Variants in RNF212B observed in about 807,000 individuals in gnomAD.
The protein encoded by RNF212B is ring finger protein 212B.
In RNF212B, 52 loss-of-function variants were observed where a neutral mutation model predicts 55.5. That is an observed-to-expected ratio of 0.94 (90% confidence interval 0.75 to 1.18). The LOEUF is 1.18. Ranked by LOEUF, RNF212B falls within the 50% of genes most tolerant of loss-of-function variation. The pLI is 0.00. For missense variants in RNF212B, 289 were observed against 350.4 expected (o/e 0.82, Z 1.40); for synonymous variants, 99 against 121.4 (o/e 0.82, Z 1.21).
intron 4 of RNF212B, among the ~76,000 whole-genome samples, chr14:23,257,886 A>T (rs1884967111): frequency 6.6e-6 from 1 of 152,184 alleles, no homozygotes; most frequent in African/African-American, 2.4e-5. Context: ...AAGGCTGTGT[A>T]ATAGCTATGA....
upstream of RNF212B, among the ~76,000 whole-genome samples, chr14:23,235,235 C>T (rs1468152452): frequency 6.6e-6 from 1 of 151,242 alleles, no homozygotes; most frequent in South Asian, 2.1e-4. Flanking sequence ...AATAGCCAGG[C>T]AAGGTGGAGG....
intron 6 of RNF212B, 51 bp downstream of exon 6, chr14:23,259,995 T>G: frequency 2.2e-6 from 2 of 898,504 alleles, no homozygotes; most frequent in Non-Finnish European, 3.4e-6. Flanking sequence ...ACTTTTCTCA[T>G]CTATCTAGCT....
At chr14:23,270,494 TGAG>T in intron 13 of RNF212B, 103 bp from the exon 14 acceptor site, 1 of 751,806 alleles carries the variant, frequency 1.3e-6, no homozygotes, top group Non-Finnish European at 2.4e-6. Flanking sequence ...GTTTCCCTTC[TGAG>T]TAGTGTTCCT....
chr14:23,232,596 G>T (rs942837700), intron 2 of RNF212B, among the ~76,000 whole-genome samples: 1 of 151,504 alleles, frequency 6.6e-6, no homozygotes, highest in African/African-American at 2.4e-5. Context: ...GGAGGGAGTT[G>T]GGGGGTCAGC....
chr14:23,205,315 CTT>C lies in RNF212B; in HGVS notation c.-2+11925_-2+11926del, dbSNP rs35632337. ...CTCTTTTTTTTAAAAAAAGGACACC[CTT>C]TTTTTTTTTTAAGCAAGAATGTTTT... On this transcript the variant is annotated intron_variant, in intron 2 of 15. Coordinates refer to the RNF212B transcript ENST00000399910. Among the ~76,000 whole-genome samples, 96 of 144,558 alleles carry C rather than the reference CTT, an allele frequency of 6.6e-4. 1 individual carries two copies. The highest frequency in any genetic ancestry group is 3.5e-3 in the Middle Eastern group (1 of 288). 94.8% of individuals were successfully genotyped at this position (144,558 alleles called of 152,430 possible).
In RNF212B at chr14:23,203,609, G is replaced by A. The variant is rs181448252; in HGVS notation, c.-2+10208G>A. 8.1e-3 allele frequency among the ~76,000 whole-genome samples: 1,226 copies of A among 151,684 alleles called. 14 individuals are homozygous for A. Among genetic ancestry groups the A allele is most frequent in the African/African-American group, 0.028 (1,160 of 41,304 alleles). ...TTCTCATGCCTCAGCCTCTCAAGTAGCTGAGATTATAAGTGTGTGCCACCA... is the reference window on the plus strand; with the variant it reads ...TTCTCATGCCTCAGCCTCTCAAGTAACTGAGATTATAAGTGTGTGCCACCA... On this transcript the variant is annotated intron_variant, in intron 2 of 15. Coordinates refer to the RNF212B transcript ENST00000399910.
intron 1 of RNF212B, among the ~76,000 whole-genome samples, chr14:23,239,690 C>T (rs1883413710): frequency 6.6e-6 from 1 of 151,970 alleles, no homozygotes; most frequent in African/African-American, 2.4e-5. Context: ...ACGGTCTCAG[C>T]TCACTGCAAC....
chr14:23,272,926 A>C lies in RNF212B; in HGVS notation c.*35A>C. On this transcript the variant is annotated 3_prime_UTR_variant, in exon 15 of 15. Coordinates refer to ENST00000430154, the MANE Select transcript of RNF212B (RefSeq NM_001282322.3). ...AAGATCTGATCTATACATGCTGCTG[A>C]AGGATGGACTGTAGCTTCCAGTACG... 7.8e-7 allele frequency: 1 copy of C among 1,284,000 alleles called. No individual in the cohort carries two copies. Among genetic ancestry groups the C allele is most frequent in the Non-Finnish European group, 1.1e-6 (1 of 925,560 alleles). The allele number at this position is 1,284,000 out of a possible 1,614,324, so 79.5% of individuals were successfully genotyped here.
At chr14:23,248,432 C>A (rs1166702326) in intron 4 of RNF212B, among the ~76,000 whole-genome samples, 1 of 148,084 alleles carries the variant, frequency 6.8e-6, no homozygotes, top group Non-Finnish European at 1.5e-5. Flanking sequence ...ACGCCCAACC[C>A]CAAGCCTCTT....
intron 4 of RNF212B, among the ~76,000 whole-genome samples, chr14:23,251,895 C>T (rs1352851548): frequency 6.6e-6 from 1 of 151,872 alleles, no homozygotes; most frequent in Non-Finnish European, 1.5e-5. Context: ...AGGAGGGGTG[C>T]AGAGCTTCCA....
chr14:23,196,045 T>A (rs1395164885), intron 2 of RNF212B, among the ~76,000 whole-genome samples: 1 of 152,180 alleles, frequency 6.6e-6, no homozygotes, highest in African/African-American at 2.4e-5. Flanking sequence ...TATTTCTCAA[T>A]TCTTCTCTGG....
At chr14:23,220,947 G>T (rs560451634) in intron 2 of RNF212B, among the ~76,000 whole-genome samples, 1 of 151,950 alleles carries the variant, frequency 6.6e-6, no homozygotes, top group African/African-American at 2.4e-5. Flanking sequence ...AGGAAGAGAA[G>T]ACTGTAAAAC....
chr14:23,251,814 C>CAAAAA lies in RNF212B; in HGVS notation c.229-6728_229-6724dup, dbSNP rs71119011. Among the ~76,000 whole-genome samples, 218 of 136,426 alleles carry CAAAAA rather than the reference C, an allele frequency of 1.6e-3. 4 individuals are homozygous for CAAAAA. The highest frequency in any genetic ancestry group is 5.1e-3 in the South Asian group (21 of 4,106). The allele number at this position is 136,426 out of a possible 152,430, so 89.5% of individuals were successfully genotyped here. A position where few individuals can be genotyped will look rare whatever the true frequency, so the allele number is the denominator to read the frequency against. Reference sequence around the variant, plus strand: ...CTGGCAACAGAGTGAGACTCTGTCTCAAAAAAAAAAAGAAAGAAAGAAAAC... The same window carrying CAAAAA: ...CTGGCAACAGAGTGAGACTCTGTCTCAAAAAAAAAAAAAAAAGAAAGAAAGAAAAC... On this transcript the variant is annotated intron_variant, in intron 4 of 14. Coordinates refer to ENST00000430154, the MANE Select transcript of RNF212B (RefSeq NM_001282322.3).
chr14:23,187,799 T>G (rs1335184265), intron 1 of RNF212B, among the ~76,000 whole-genome samples: 1 of 152,150 alleles, frequency 6.6e-6, no homozygotes, highest in Admixed American at 6.5e-5. Flanking sequence ...TGCTTTAAAT[T>G]AAAGCCAACT....
At chr14:23,202,035 G>A (rs530957228) in intron 2 of RNF212B, among the ~76,000 whole-genome samples, 1 of 152,224 alleles carries the variant, frequency 6.6e-6, no homozygotes, top group South Asian at 2.1e-4. Flanking sequence ...TGGACTGCTT[G>A]AGGTCCGGAG....
rs1160989691 is a variant in RNF212B at position 23,264,115 on chromosome 14, CAAT to C, written c.525-56_525-54del. 7 of 1,368,734 alleles carry C rather than the reference CAAT, an allele frequency of 5.1e-6. No homozygotes were observed. In the African/African-American group the frequency reaches 1.0e-4, roughly 20 times the overall value. 84.8% of individuals were successfully genotyped at this position (1,368,734 alleles called of 1,614,324 possible). ...AAAAACCAAAACAAAAAAACAACAA[CAAT>C]AAAAAGTAAAACTAGGTTTTTTGCC... On this transcript the variant is annotated intron_variant, in intron 9 of 14. Transcript: ENST00000430154.
At chr14:23,201,564 T>G (rs1304453339) in intron 2 of RNF212B, among the ~76,000 whole-genome samples, 1 of 152,214 alleles carries the variant, frequency 6.6e-6, no homozygotes, top group East Asian at 1.9e-4. Context: ...GTATAATTTT[T>G]ATACCAAATA....
upstream of RNF212B, among the ~76,000 whole-genome samples, chr14:23,235,922 A>G (rs1294422446): frequency 5.9e-5 from 9 of 152,244 alleles, no homozygotes; most frequent in Admixed American, 2.0e-4. Context: ...CCACTTTGCA[A>G]TCAACTTTTA....
chr14:23,247,014 C>A (rs1884032766), intron 4 of RNF212B, among the ~76,000 whole-genome samples: 1 of 152,036 alleles, frequency 6.6e-6, no homozygotes, highest in South Asian at 2.1e-4. Flanking sequence ...GTGGCACGTG[C>A]CTTTAATCCC....
Sources: allele counts gnomAD v4.1 joint callset (sites outside exome capture counted in the v4.1 genomes callset), GRCh38; gene constraint gnomAD v4.1.1; transcripts MANE v1.5; gene names NCBI Gene and HGNC (gene_info 2026-07-23, HGNC 2026-07-21).